GDI2: variants seen among roughly 807,000 people sequenced by gnomAD.
GDI2 encodes GDP dissociation inhibitor 2.
In GDI2, 22 loss-of-function variants were observed where a neutral mutation model predicts 54.2. That is an observed-to-expected ratio of 0.41 (90% CI 0.29 to 0.58). The LOEUF (loss-of-function observed/expected upper bound fraction) is 0.58, where lower values mean the gene tolerates loss of function less well. Ranked by LOEUF, GDI2 falls within the 20% of genes least tolerant of loss-of-function variation. GDI2 has a pLI of 0.35. For missense variants in GDI2, 422 were observed against 546.0 expected (o/e 0.77, Z 2.26); for synonymous variants, 177 against 182.1 (o/e 0.97, Z 0.23).
chr10:5,809,767 A>G (rs1244581266), intron 1 of GDI2, among the ~76,000 whole-genome samples: 1 of 152,234 alleles, frequency 6.6e-6, no homozygotes, highest in African/African-American at 2.4e-5. Flanking sequence ...ATCAGGTACC[A>G]TGGGAGGGAA....
chr10:5,813,406 CCGCCA>C lies in GDI2; in HGVS notation c.-153_-149del. 1.8e-6 allele frequency: 1 copy of C among 544,174 alleles called. No individual in the cohort carries two copies. Among genetic ancestry groups the C allele is most frequent in the Non-Finnish European group, 3.3e-6 (1 of 304,550 alleles). The allele number at this position is 544,174 out of a possible 1,614,324, so 33.7% of individuals were successfully genotyped here. A position where few individuals can be genotyped will look rare whatever the true frequency, so the allele number is the denominator to read the frequency against. ...GGAGCTGGCGACAAGGCGAGACCGA[CCGCCA>C]CCTCAGACGGGAAGAGAAGAACTGG... On this transcript the variant is annotated 5_prime_UTR_variant, in exon 1 of 11. Coordinates refer to ENST00000380191, the MANE Select transcript of GDI2 (RefSeq NM_001494.4).
chr10:5,793,733 T>C (rs756424520), intron 4 of GDI2, among the ~76,000 whole-genome samples: 1 of 152,196 alleles, frequency 6.6e-6, no homozygotes, highest in South Asian at 2.1e-4. Flanking sequence ...AACTGCTCCA[T>C]ACAAGGACTA....
intron 1 of GDI2, among the ~76,000 whole-genome samples, chr10:5,812,683 TAA>T (rs1367552053): frequency 5.9e-5 from 9 of 152,186 alleles, no homozygotes; most frequent in African/African-American, 2.2e-4. Flanking sequence ...GCCAAAAATA[TAA>T]GTTAATCAAG....
Position 5,794,964 on chromosome 10 carries a change from T to C in GDI2, c.309A>G (p.Lys103=). Residue 103 remains lysine (K), a synonymous_variant, in exon 4 of 11, where the codon AAA becomes AAG. Transcript: ENST00000380191. ...TATAGACAAAGCTCCCTTCAGTCAC[T>C]TTAAAATCCAGATAGCGAGTTACCT... ...YTEVTRYLDF[K]VTEGSFVYKG... is the part of the protein sequence containing the mutation. 6.3e-7 allele frequency: 1 copy of C among 1,598,726 alleles called. No homozygotes were observed. Among genetic ancestry groups the C allele is most frequent in the Non-Finnish European group, 8.6e-7 (1 of 1,165,986 alleles).
At position 5,768,166 on chromosome 10, in the gene GDI2, T is replaced by C. The variant is rs1237971559; in HGVS notation, c.991+47A>G. ...ATTTGGGATAAAACACAAAGCAAATTATATCTTACAAAATTCTACCAACAT... is the reference window on the plus strand; with the variant it reads ...ATTTGGGATAAAACACAAAGCAAATCATATCTTACAAAATTCTACCAACAT... On this transcript the variant is annotated intron_variant, in intron 8 of 10. Transcript: ENST00000380191. The surrounding 1 kb of genome is among the most constrained non-coding windows in gnomAD (Gnocchi z 4.4). 1 of 1,512,396 alleles carries C rather than the reference T, an allele frequency of 6.6e-7. No individual in the cohort carries two copies. The highest frequency in any genetic ancestry group is 9.2e-7 in the Non-Finnish European group (1 of 1,091,962). 93.7% of individuals were successfully genotyped at this position (1,512,396 alleles called of 1,614,324 possible).
At chr10:5,800,802 T>C in intron 1 of GDI2, 97 bp from the exon 2 acceptor site, 1 of 744,976 alleles carries the variant, frequency 1.3e-6, no homozygotes, top group Non-Finnish European at 2.5e-6. Flanking sequence ...CTCTTAGTAA[T>C]TACACTTATA....
At chr10:5,796,486 C>T (rs1841151053) in intron 3 of GDI2, among the ~76,000 whole-genome samples, 1 of 152,166 alleles carries the variant, frequency 6.6e-6, no homozygotes, top group African/African-American at 2.4e-5. Flanking sequence ...TCATAAGCAT[C>T]AACAGGTAAG....
In GDI2 at chr10:5,766,352, G is replaced by A. The variant is rs985898236; in HGVS notation, c.1137-57C>T. ...TGGTCCCACACCTGACCATGGCTCT[G>A]CCTGAGGTCAACTGAGAGGTACAGA... On this transcript the variant is annotated intron_variant, in intron 9 of 10. Transcript: ENST00000380191. The surrounding 1 kb of genome is among the most constrained non-coding windows in gnomAD (Gnocchi z 5.8). 3.3e-6 allele frequency: 5 copies of A among 1,507,780 alleles called. No individual in the cohort carries two copies. In the Admixed American group the frequency reaches 8.4e-5, roughly 25 times the overall value. 93.4% of individuals were successfully genotyped at this position (1,507,780 alleles called of 1,614,324 possible).
At chr10:5,790,622 G>C (rs1320213300) in intron 4 of GDI2, among the ~76,000 whole-genome samples, 1 of 151,880 alleles carries the variant, frequency 6.6e-6, no homozygotes, top group Non-Finnish European at 1.5e-5. Flanking sequence ...CTCCAGCCTG[G>C]GCAACAAGAG....
At chr10:5,772,599 A>G (rs1187867397) in intron 7 of GDI2, among the ~76,000 whole-genome samples, 1 of 152,058 alleles carries the variant, frequency 6.6e-6, no homozygotes, top group South Asian at 2.1e-4. Flanking sequence ...TCTACTAAAA[A>G]TACATAAATT....
At chr10:5,787,870 T>C (rs1214035906) in intron 4 of GDI2, among the ~76,000 whole-genome samples, 1 of 152,264 alleles carries the variant, frequency 6.6e-6, no homozygotes, top group Non-Finnish European at 1.5e-5. Context: ...TACCAACTTT[T>C]GTTTTAATCA....
At chr10:5,810,296 A>G (rs1176683356) in intron 1 of GDI2, among the ~76,000 whole-genome samples, 2 of 152,110 alleles carry the variant, frequency 1.3e-5, no homozygotes, top group East Asian at 1.9e-4. Context: ...AAATGGGAAG[A>G]AAAAAACCTC....
chr10:5,768,080 G>T lies in GDI2; in HGVS notation c.991+133C>A. On this transcript the variant is annotated intron_variant, in intron 8 of 10. Coordinates refer to ENST00000380191, the MANE Select transcript of GDI2 (RefSeq NM_001494.4). The surrounding 1 kb of genome is among the most constrained non-coding windows in gnomAD (Gnocchi z 4.4). ...CTGCCGGAGCAGGAGGAGGTACAAA[G>T]ATTTTTTTCCCCCATATGTAAACCA... 3.1e-6 allele frequency: 2 copies of T among 642,166 alleles called. No individual in the cohort carries two copies. Among genetic ancestry groups the T allele is most frequent in the Admixed American group, 3.0e-5 (1 of 33,290 alleles). The allele number at this position is 642,166 out of a possible 1,614,324, so 39.8% of individuals were successfully genotyped here. A position where few individuals can be genotyped will look rare whatever the true frequency, so the allele number is the denominator to read the frequency against.
chr10:5,773,558 A>G (rs1033921656), intron 7 of GDI2, among the ~76,000 whole-genome samples: 1 of 152,200 alleles, frequency 6.6e-6, no homozygotes, highest in Non-Finnish European at 1.5e-5. Flanking sequence ...ATTTCAATGA[A>G]AATTTGGGAG....
chr10:5,809,595 T>C (rs143017050), intron 1 of GDI2, among the ~76,000 whole-genome samples: 3 of 152,332 alleles, frequency 2.0e-5, no homozygotes, highest in Middle Eastern at 3.4e-3. Flanking sequence ...TTAGGGGACT[T>C]AATGCTTTCT....
chr10:5,799,011 A>G (rs957649864), intron 2 of GDI2, among the ~76,000 whole-genome samples: 8 of 152,058 alleles, frequency 5.3e-5, no homozygotes, highest in Non-Finnish European at 7.4e-5. Flanking sequence ...CAAAATTAAG[A>G]AAAGAAAAAA....
chr10:5,811,156 T>C (rs1841473482), intron 1 of GDI2, among the ~76,000 whole-genome samples: 1 of 152,226 alleles, frequency 6.6e-6, no homozygotes, highest in South Asian at 2.1e-4. Flanking sequence ...TTTCTCATTA[T>C]CAAAATCATC....
intron 7 of GDI2, among the ~76,000 whole-genome samples, chr10:5,772,780 A>G (rs1006909014): frequency 1.3e-5 from 2 of 152,142 alleles, no homozygotes; most frequent in Non-Finnish European, 2.9e-5. Context: ...AAATAAATAA[A>G]TAACATTTTA....
chr10:5,789,732 A>C (rs1007688530), intron 4 of GDI2, among the ~76,000 whole-genome samples: 6 of 152,242 alleles, frequency 3.9e-5, no homozygotes, highest in Admixed American at 3.9e-4. Flanking sequence ...TCTATTTCAA[A>C]GTTAAAATTT....
Sources: gnomAD v4.1 joint callset for allele counts (sites outside exome capture counted in the v4.1 genomes callset) on GRCh38, gnomAD v4.1.1 for gene constraint, Gnocchi (gnomAD v3.1) non-coding constraint, MANE v1.5 for transcripts, NCBI Gene and HGNC (gene_info 2026-07-23, HGNC 2026-07-21) for gene names.